The following NRP1 variants were observed in gnomAD, a reference collection of about 807,000 sequenced individuals.
NRP1 encodes the protein neuropilin-1.
A neutral mutation model predicts 106.7 loss-of-function variants in NRP1; 35 were observed. That is an observed-to-expected ratio of 0.33 (90% CI 0.25 to 0.43). The LOEUF is 0.43. Ranked by LOEUF, NRP1 falls within the 20% of genes least tolerant of loss-of-function variation. NRP1 has a pLI of 1.00. For missense variants in NRP1, 1,024 were observed against 1,170.4 expected (o/e 0.87, Z 1.83); for synonymous variants, 437 against 417.9 (o/e 1.05, Z -0.56).
At position 33,204,877 on chromosome 10, in the gene NRP1, G is replaced by A. The variant is rs573686598; in HGVS notation, c.1760-1882C>T. On this transcript the variant is annotated intron_variant, in intron 10 of 16. Transcript: ENST00000374867. The stretch of plus-strand genomic sequence containing the variant: ...CTCACGAGTAGCTGGGATTACAGGC[G>A]CCCACCAACACACCCAGCTAATTTT... Among the ~76,000 whole-genome samples, 29 of 151,854 alleles carry A rather than the reference G, an allele frequency of 1.9e-4. No individual in the cohort carries two copies. In the South Asian group the frequency reaches 3.4e-3, roughly 18 times the overall value.
intron 11 of NRP1, among the ~76,000 whole-genome samples, chr10:33,199,365 T>TTTTATATATATA (rs57582967): frequency 1.1e-4 from 7 of 64,270 alleles, no homozygotes; most frequent in African/African-American, 3.1e-4. Context: ...CCTGGCTGTT[T>TTTTATATATATA]TCTATATATA....
chr10:33,216,672 G>A (rs1368542990), intron 8 of NRP1, among the ~76,000 whole-genome samples: 1 of 150,300 alleles, frequency 6.7e-6, no homozygotes, highest in Non-Finnish European at 1.5e-5. Flanking sequence ...AAACTACTGG[G>A]GTCAAGAGAT....
At chr10:33,262,962 C>T (rs1835286760) in intron 4 of NRP1, among the ~76,000 whole-genome samples, 1 of 152,162 alleles carries the variant, frequency 6.6e-6, no homozygotes, top group African/African-American at 2.4e-5. Flanking sequence ...GTTTTGCTTA[C>T]CCTGTGGCTA....
chr10:33,326,187 C>A (rs1847879034), intron 2 of NRP1, among the ~76,000 whole-genome samples: 2 of 152,162 alleles, frequency 1.3e-5, no homozygotes, highest in Admixed American at 6.5e-5. Flanking sequence ...GGAGAAGTTT[C>A]ATAAATTCTA....
intron 2 of NRP1, among the ~76,000 whole-genome samples, chr10:33,308,781 G>C (rs1477030714): frequency 6.6e-6 from 1 of 152,058 alleles, no homozygotes; most frequent in Non-Finnish European, 1.5e-5. Flanking sequence ...GAGCCACCAT[G>C]CCTGGCCTCA....
rs190981550 is a variant in NRP1 at position 33,222,511 on chromosome 10, A to G, written c.1138-648T>C. On this transcript the variant is annotated intron_variant, in intron 7 of 16. Coordinates refer to ENST00000374867, the MANE Select transcript of NRP1 (RefSeq NM_003873.7). Reference sequence around the variant, plus strand: ...CTTGTGCGTCAAGATTTATTTATTTATTTATTTATTTATTTATTTATTTAT... The same window carrying G: ...CTTGTGCGTCAAGATTTATTTATTTGTTTATTTATTTATTTATTTATTTAT... Among the ~76,000 whole-genome samples the G allele has an allele frequency of 3.7e-3, 536 of 144,878 alleles. 1 individual carries two copies. The highest frequency in any genetic ancestry group is 7.1e-3 in the Middle Eastern group (2 of 282).
chr10:33,192,442 T>TAA, intron 12 of NRP1, 24 bp from the exon 13 acceptor site: 1 of 1,610,882 alleles, frequency 6.2e-7, no homozygotes, highest in Non-Finnish European at 8.5e-7. Context: ...GAAGTAAAAA[T>TAA]AAGAGACAAG....
intron 7 of NRP1, among the ~76,000 whole-genome samples, chr10:33,222,657 A>G (rs188333866): frequency 3.0e-4 from 46 of 152,112 alleles, no homozygotes; most frequent in African/African-American, 9.6e-4. Flanking sequence ...AGTAGCTAGG[A>G]TTACAGGTGC....
intron 2 of NRP1, among the ~76,000 whole-genome samples, chr10:33,308,808 C>T (rs1403755104): frequency 6.6e-6 from 1 of 151,918 alleles, no homozygotes; most frequent in Admixed American, 6.6e-5. Flanking sequence ...TTAAAAAATG[C>T]ATATTTCTAA....
In NRP1 at chr10:33,291,053, G is replaced by A. The variant is rs375491848; in HGVS notation, c.249-20197C>T. Among the ~76,000 whole-genome samples, 5 of 152,282 alleles carry A rather than the reference G, an allele frequency of 3.3e-5. No individual in the cohort carries two copies. The South Asian group carries it at 1.0e-3, about 32-fold the overall frequency. On this transcript the variant is annotated intron_variant, in intron 2 of 16. Coordinates refer to ENST00000374867, the MANE Select transcript of NRP1 (RefSeq NM_003873.7). ...CTCATTCTGCCAATAGCACTTTTAG[G>A]AGGGGAAAAATCATTGGGTGCTTTT...
At chr10:33,218,953 G>T (rs549122402) in intron 8 of NRP1, among the ~76,000 whole-genome samples, 120 of 152,228 alleles carry the variant, frequency 7.9e-4, no homozygotes, top group Non-Finnish European at 1.6e-3. Context: ...TGCTCTCCTG[G>T]ACCATCTAGT....
chr10:33,318,420 C>T lies in NRP1; in HGVS notation c.248+12288G>A, dbSNP rs552519593. On this transcript the variant is annotated intron_variant, in intron 2 of 16. Coordinates refer to ENST00000374867, the MANE Select transcript of NRP1 (RefSeq NM_003873.7). ...TCACAGGGAGCTGCTAACAGGATCCCCTGACAATCCAAAATCCCCAGCTTG... is the reference window on the plus strand; with the variant it reads ...TCACAGGGAGCTGCTAACAGGATCCTCTGACAATCCAAAATCCCCAGCTTG... Among the ~76,000 whole-genome samples the T allele has an allele frequency of 6.6e-5, 10 of 152,200 alleles. No individual in the cohort carries two copies. In the South Asian group the frequency reaches 1.2e-3, roughly 19 times the overall value.
intron 3 of NRP1, among the ~76,000 whole-genome samples, chr10:33,264,178 C>A (rs1842765495): frequency 6.6e-6 from 1 of 152,182 alleles, no homozygotes; most frequent in African/African-American, 2.4e-5. Context: ...CTGCAGAAAT[C>A]TCAACAGAGC....
At chr10:33,209,669 G>T (rs1165224213) in intron 9 of NRP1, among the ~76,000 whole-genome samples, 1 of 152,038 alleles carries the variant, frequency 6.6e-6, no homozygotes, top group Non-Finnish European at 1.5e-5. Flanking sequence ...TAGAAACGGG[G>T]TTTCACCATG....
Position 33,185,729 on chromosome 10 carries a change from C to A in NRP1, c.2335-5G>T. 6.2e-7 allele frequency: 1 copy of A among 1,611,022 alleles called. No homozygotes were observed. The highest frequency in any genetic ancestry group is 8.5e-7 in the Non-Finnish European group (1 of 1,177,212). Reference sequence around the variant, plus strand: ...GATTTCGCCCTCGAAAATCACCTAACAAAATAAGATCATTTTCACAGTATT... The same window carrying A: ...GATTTCGCCCTCGAAAATCACCTAAAAAAATAAGATCATTTTCACAGTATT... On this transcript the variant is annotated splice_region_variant and splice_polypyrimidine_tract_variant and intron_variant, in intron 14 of 16. Transcript: ENST00000374867.
chr10:33,278,110 G>A (rs1462840822), intron 2 of NRP1, among the ~76,000 whole-genome samples: 1 of 151,940 alleles, frequency 6.6e-6, no homozygotes, highest in African/African-American at 2.4e-5. Context: ...CAAGTAATAC[G>A]TTGTCGACAC....
chr10:33,289,664 T>C (rs1212501047), intron 2 of NRP1, among the ~76,000 whole-genome samples: 1 of 152,210 alleles, frequency 6.6e-6, no homozygotes, highest in Non-Finnish European at 1.5e-5. Context: ...TAGATACACA[T>C]ACGAATGGTA....
chr10:33,239,921 G>T (rs561251414), intron 6 of NRP1, among the ~76,000 whole-genome samples: 1 of 152,300 alleles, frequency 6.6e-6, no homozygotes, highest in Non-Finnish European at 1.5e-5. Context: ...TTTGAAAATA[G>T]AACAACATCA....
chr10:33,254,225 A>G (rs1271532514), intron 5 of NRP1, 31 bp from the exon 6 acceptor site: 1 of 1,565,422 alleles, frequency 6.4e-7, no homozygotes, highest in East Asian at 2.3e-5. Context: ...CACAGTCATC[A>G]AAATATAGGG....
Sources: allele counts gnomAD v4.1 joint callset (sites outside exome capture counted in the v4.1 genomes callset), GRCh38; gene constraint gnomAD v4.1.1; transcripts MANE v1.5; gene names NCBI Gene and HGNC (gene_info 2026-07-23, HGNC 2026-07-21).